MELK: variants seen among roughly 807,000 people sequenced by gnomAD.
MELK encodes the protein pEg3 kinase.
In MELK, 81 loss-of-function variants were observed where a neutral mutation model predicts 85.0. The observed-to-expected ratio is 0.95, with a 90% CI of 0.80 to 1.15. The LOEUF (loss-of-function observed/expected upper bound fraction) is 1.15, where lower values mean the gene tolerates loss of function less well. Ranked by LOEUF, MELK falls within the 50% of genes most tolerant of loss-of-function variation. MELK has a pLI of 0.00. For missense variants in MELK, 754 were observed against 777.5 expected (o/e 0.97, Z 0.36); for synonymous variants, 252 against 265.0 (o/e 0.95, Z 0.48).
At chr9:36,598,186 GTTTTT>G (rs76258907) in intron 6 of MELK, among the ~76,000 whole-genome samples, 1 of 135,852 alleles carries the variant, frequency 7.4e-6, no homozygotes, top group African/African-American at 2.7e-5. Context: ...TAGAAGGCAG[GTTTTT>G]TTTTTTTTTT....
intron 16 of MELK, among the ~76,000 whole-genome samples, chr9:36,672,241 T>A (rs1442957769): frequency 6.6e-6 from 1 of 152,226 alleles, no homozygotes; most frequent in African/African-American, 2.4e-5. Context: ...ACGTTACATA[T>A]GGCTGTGTAT....
intron 14 of MELK, among the ~76,000 whole-genome samples, chr9:36,668,745 C>T (rs868679385): frequency 2.6e-5 from 4 of 151,988 alleles, no homozygotes; most frequent in Admixed American, 2.6e-4. Flanking sequence ...GAACTCCTGA[C>T]CTCATGATCC....
At chr9:36,595,087 C>T (rs1220635246) in intron 5 of MELK, among the ~76,000 whole-genome samples, 4 of 151,010 alleles carry the variant, frequency 2.6e-5, no homozygotes, top group African/African-American at 7.3e-5. Flanking sequence ...GCACCATGTC[C>T]GGCTAATTTT....
At chr9:36,639,665 C>T (rs1355882219) in intron 10 of MELK, among the ~76,000 whole-genome samples, 2 of 152,122 alleles carry the variant, frequency 1.3e-5, no homozygotes, top group Admixed American at 6.6e-5. Flanking sequence ...GAAGACACAG[C>T]TTGAGATTAA....
At chr9:36,651,006 G>T (rs908799202) in intron 11 of MELK, among the ~76,000 whole-genome samples, 1 of 152,196 alleles carries the variant, frequency 6.6e-6, no homozygotes, top group African/African-American at 2.4e-5. Flanking sequence ...TGCAAGAATA[G>T]CACCCTGTGT....
intron 11 of MELK, among the ~76,000 whole-genome samples, chr9:36,648,442 T>C (rs1190169202): frequency 6.6e-6 from 1 of 152,180 alleles, no homozygotes. Flanking sequence ...AACCCTAGAT[T>C]CCTTTCTCTA....
intron 4 of MELK, among the ~76,000 whole-genome samples, chr9:36,592,915 T>C (rs987772191): frequency 1.3e-5 from 2 of 152,166 alleles, no homozygotes; most frequent in Non-Finnish European, 2.9e-5. Flanking sequence ...TCAGAAAGTT[T>C]TCTCCAGCCC....
At chr9:36,635,997 G>A (rs1178979906) in intron 10 of MELK, among the ~76,000 whole-genome samples, 1 of 150,650 alleles carries the variant, frequency 6.6e-6, no homozygotes, top group Non-Finnish European at 1.5e-5. Context: ...GGGTTTCACT[G>A]TGTTGGCCAG....
chr9:36,656,703 T>C, intron 12 of MELK, among the ~76,000 whole-genome samples: 1 of 152,048 alleles, frequency 6.6e-6, no homozygotes, highest in African/African-American at 2.4e-5. Flanking sequence ...TTTCTGCTTG[T>C]TGTAACCTCC....
chr9:36,599,367 TAA>T (rs1238029427), intron 6 of MELK, 25 bp from the exon 7 acceptor site: 2 of 1,370,516 alleles, frequency 1.5e-6, no homozygotes, highest in South Asian at 1.2e-5. Flanking sequence ...TTGTAATTAA[TAA>T]GTTTCATTTT....
chr9:36,591,839 G>A (rs988983133), intron 4 of MELK, among the ~76,000 whole-genome samples: 14 of 151,734 alleles, frequency 9.2e-5, no homozygotes, highest in African/African-American at 3.4e-4. Flanking sequence ...GGGAGGCTCA[G>A]GTGAGGAGCC....
chr9:36,603,446 T>G (rs1825133388), intron 7 of MELK, among the ~76,000 whole-genome samples: 1 of 152,090 alleles, frequency 6.6e-6, no homozygotes, highest in Non-Finnish European at 1.5e-5. Flanking sequence ...TCTTTTTTTT[T>G]TTTGAGACAG....
Position 36,677,529 on chromosome 9 carries a change from T to C in MELK, c.*192T>C, listed in dbSNP as rs1414399632. On this transcript the variant is annotated 3_prime_UTR_variant, in exon 18 of 18. Transcript: ENST00000298048. ...TGTATGAATCTAAATCAAGCCCATC[T>C]GTCATTATGTTACTGTCTTTTTTAA... 4.4e-6 allele frequency: 2 copies of C among 454,178 alleles called. No homozygotes were observed. Among genetic ancestry groups the C allele is most frequent in the Non-Finnish European group, 7.5e-6 (2 of 266,714 alleles). 28.1% of individuals were successfully genotyped at this position (454,178 alleles called of 1,614,324 possible).
chr9:36,594,194 G>T (rs2135436655), intron 4 of MELK, among the ~76,000 whole-genome samples: 1 of 152,308 alleles, frequency 6.6e-6, no homozygotes, highest in South Asian at 2.1e-4. Flanking sequence ...AGATACCTCT[G>T]TAGACCTGGG....
chr9:36,627,186 G>A (rs73437001), intron 8 of MELK, among the ~76,000 whole-genome samples: 1 of 152,000 alleles, frequency 6.6e-6, no homozygotes. Flanking sequence ...CTTATGAACT[G>A]TCTAGGATAT....
intron 8 of MELK, among the ~76,000 whole-genome samples, chr9:36,608,337 G>A (rs1170445933): frequency 1.5e-5 from 2 of 137,032 alleles, no homozygotes; most frequent in Admixed American, 7.5e-5. Context: ...ACAGTATATT[G>A]TTATAATTAT....
intron 4 of MELK, 109 bp from the exon 5 acceptor site, chr9:36,594,519 T>G: frequency 7.7e-7 from 1 of 1,302,970 alleles, no homozygotes; most frequent in Non-Finnish European, 1.1e-6. Flanking sequence ...CCATTCCCTA[T>G]AAAGTCGAAT....
At chr9:36,672,402 A>G (rs1488688015) in intron 16 of MELK, among the ~76,000 whole-genome samples, 2 of 152,218 alleles carry the variant, frequency 1.3e-5, no homozygotes, top group Non-Finnish European at 2.9e-5. Flanking sequence ...CCACATATAT[A>G]CACATTATTG....
intron 11 of MELK, among the ~76,000 whole-genome samples, chr9:36,649,404 G>A (rs1402775428): frequency 6.6e-6 from 1 of 151,982 alleles, no homozygotes; most frequent in Non-Finnish European, 1.5e-5. Context: ...GGAGAAGGGC[G>A]TGAACCTGGG....
Sources: gnomAD v4.1 joint callset for allele counts (sites outside exome capture counted in the v4.1 genomes callset) on GRCh38, gnomAD v4.1.1 for gene constraint, MANE v1.5 for transcripts, NCBI Gene and HGNC (gene_info 2026-07-23, HGNC 2026-07-21) for gene names.